The following PRELID2 variants were observed in gnomAD, a reference collection of about 807,000 sequenced individuals.
The protein encoded by PRELID2 is PRELI domain-containing protein 2.
PRELID2 carries 25 observed loss-of-function variants against 28.4 expected under a neutral mutation model. The ratio of observed to expected loss-of-function variants is 0.88; its 90% CI spans 0.64 to 1.23. The LOEUF (loss-of-function observed/expected upper bound fraction) is 1.23. Ranked by LOEUF, PRELID2 falls within the 50% of genes most tolerant of loss-of-function variation. PRELID2 has a pLI of 0.00. For missense variants in PRELID2, 201 were observed against 214.4 expected, an observed-to-expected ratio of 0.94 and a Z score of 0.39; for synonymous variants, 76 against 71.6, an observed-to-expected ratio of 1.06 and a Z score of -0.31.
intron 1 of PRELID2, among the ~76,000 whole-genome samples, chr5:145,678,458 T>C (rs1581050580): frequency 6.6e-6 from 1 of 152,302 alleles, no homozygotes; most frequent in South Asian, 2.1e-4. Context: ...CAGGACAGTA[T>C]CTGTCTTATT....
In PRELID2 at chr5:145,729,180, G is replaced by GTA. The variant is rs202216314; in HGVS notation, n.70+35749_70+35750dup. On this transcript the variant is annotated intron_variant and non_coding_transcript_variant, in intron 1 of 2. Coordinates refer to the PRELID2 transcript ENST00000510259. ...TGTCAAGTCCTTCAAAGTATCATTT[G>GTA]TATCAGTGATGCTCTGGGTTTCGGA... The GTA allele has an allele frequency of 2.0e-3, 1,386 of 677,098 alleles. 10 individuals carry two copies. In the African/African-American group the frequency reaches 0.022, roughly 11 times the overall value. The allele number at this position is 677,098 out of a possible 1,614,324, so 41.9% of individuals were successfully genotyped here. A position where few individuals can be genotyped will look rare whatever the true frequency, so the allele number is the denominator to read the frequency against.
chr5:145,563,091 G>C (rs1007374914), intron 1 of PRELID2, among the ~76,000 whole-genome samples: 3 of 152,130 alleles, frequency 2.0e-5, no homozygotes, highest in African/African-American at 7.2e-5. Flanking sequence ...TCCAGGGGTG[G>C]GCACATGATC....
At chr5:145,262,670 C>A in the PRELID2 span, among the ~76,000 whole-genome samples, 1 of 151,988 alleles carries the variant, frequency 6.6e-6, no homozygotes. Context: ...GCCAGCATTA[C>A]AAGAACTGCT....
At chr5:145,408,921 G>T in the PRELID2 span, among the ~76,000 whole-genome samples, 1 of 152,102 alleles carries the variant, frequency 6.6e-6, no homozygotes, top group Admixed American at 6.6e-5. Flanking sequence ...CAGTCATCAG[G>T]TTATCTAAAA....
intron 1 of PRELID2, among the ~76,000 whole-genome samples, chr5:145,490,636 AT>A (rs1752260342): frequency 6.6e-6 from 1 of 152,218 alleles, no homozygotes; most frequent in Admixed American, 6.5e-5. Context: ...ATAGATGAAA[AT>A]ATCAGGCAAT....
intron 1 of PRELID2, among the ~76,000 whole-genome samples, chr5:145,632,201 G>A (rs1417949698): frequency 6.6e-6 from 1 of 152,046 alleles, no homozygotes; most frequent in South Asian, 2.1e-4. Context: ...AAGCCTCGGA[G>A]GTCTATGTTT....
At chr5:145,582,496 C>A (rs1483480209) in intron 1 of PRELID2, among the ~76,000 whole-genome samples, 1 of 151,986 alleles carries the variant, frequency 6.6e-6, no homozygotes, top group Non-Finnish European at 1.5e-5. Flanking sequence ...TCCCCCAACA[C>A]ATGGGGATTA....
At chr5:145,826,143 A>C in intron 1 of PRELID2, 1 of 985,454 alleles carries the variant, frequency 1.0e-6, no homozygotes, top group Non-Finnish European at 1.2e-6. Flanking sequence ...GCAGGGTGCT[A>C]TCCTAGAGAA....
chr5:145,606,420 T>G (rs1056163561), intron 1 of PRELID2, among the ~76,000 whole-genome samples: 2 of 152,216 alleles, frequency 1.3e-5, no homozygotes, highest in African/African-American at 4.8e-5. Context: ...TGGATGGCTC[T>G]TATTATTTTG....
At chr5:145,277,203 CA>C in the PRELID2 span, among the ~76,000 whole-genome samples, 1 of 152,052 alleles carries the variant, frequency 6.6e-6, no homozygotes, top group Non-Finnish European at 1.5e-5. Flanking sequence ...CAGGGATTAG[CA>C]CTTACTAAAT....
At chr5:145,377,588 T>C in the PRELID2 span, among the ~76,000 whole-genome samples, 1 of 152,222 alleles carries the variant, frequency 6.6e-6, no homozygotes, top group Non-Finnish European at 1.5e-5. Flanking sequence ...TTAAATCTTC[T>C]TGTTGTGTTA....
intron 1 of PRELID2, among the ~76,000 whole-genome samples, chr5:145,675,627 T>C (rs1754799034): frequency 6.6e-6 from 1 of 151,926 alleles, no homozygotes; most frequent in Non-Finnish European, 1.5e-5. Flanking sequence ...TAGCTACCAA[T>C]AGAGAACTGG....
intron 5 of PRELID2, among the ~76,000 whole-genome samples, chr5:145,784,942 T>C (rs1035259787): frequency 6.6e-6 from 1 of 152,038 alleles, no homozygotes; most frequent in Non-Finnish European, 1.5e-5. Flanking sequence ...AAATTGAAAA[T>C]GAATATTTAG....
intron 1 of PRELID2, among the ~76,000 whole-genome samples, chr5:145,650,545 TATA>T (rs1479168997): frequency 1.7e-5 from 2 of 120,134 alleles, no homozygotes; most frequent in Non-Finnish European, 3.4e-5. Context: ...TATATATATA[TATA>T]TATATATATA....
At chr5:145,767,015 C>A (rs1302749157) in intron 5 of PRELID2, among the ~76,000 whole-genome samples, 4 of 152,064 alleles carry the variant, frequency 2.6e-5, no homozygotes, top group African/African-American at 9.7e-5. Flanking sequence ...TAGAAAAGGG[C>A]AGTCCCTGGT....
At chr5:145,669,060 C>G (rs1754653167) in intron 1 of PRELID2, among the ~76,000 whole-genome samples, 1 of 152,082 alleles carries the variant, frequency 6.6e-6, no homozygotes, top group Non-Finnish European at 1.5e-5. Flanking sequence ...CCCCAGCTTC[C>G]CTTCATGTCT....
rs146312797 is a variant in PRELID2 at position 145,662,843 on chromosome 5, G to C, written n.70+102088C>G. On this transcript the variant is annotated intron_variant and non_coding_transcript_variant, in intron 1 of 2. Coordinates refer to the PRELID2 transcript ENST00000510259. ...TGACTTCTCAGCCTCCATAACTTAA[G>C]AAATAAATTTCCTTTTCTTTATAAA... Among the ~76,000 whole-genome samples, 196 of 152,058 alleles carry C rather than the reference G, an allele frequency of 1.3e-3. 2 individuals carry two copies. The highest frequency in any genetic ancestry group is 4.6e-3 in the African/African-American group (192 of 41,492).
chr5:145,815,488 G>A (rs1391816848), intron 4 of PRELID2, among the ~76,000 whole-genome samples: 1 of 152,120 alleles, frequency 6.6e-6, no homozygotes, highest in Non-Finnish European at 1.5e-5. Flanking sequence ...GCAGAGTTCT[G>A]CAACCATCAA....
At chr5:145,481,846 T>C (rs1420139717) in intron 1 of PRELID2, among the ~76,000 whole-genome samples, 3 of 152,182 alleles carry the variant, frequency 2.0e-5, no homozygotes, top group Non-Finnish European at 4.4e-5. Context: ...ATTTTAGAAA[T>C]TAAATTCTGT....
Sources: allele counts gnomAD v4.1 joint callset (sites outside exome capture counted in the v4.1 genomes callset), GRCh38; gene constraint gnomAD v4.1.1; transcripts MANE v1.5; gene names NCBI Gene and HGNC (gene_info 2026-07-23, HGNC 2026-07-21).